LMO7: variants seen among roughly 807,000 people sequenced by gnomAD.
LMO7 encodes the protein LIM domain only protein 7.
Under a neutral mutation model 206.5 loss-of-function variants are expected in LMO7, and 120 were observed. The observed-to-expected ratio is 0.58, with a 90% CI of 0.50 to 0.68. The LOEUF is 0.68. LMO7 is among the 30% of genes least tolerant of loss of function. The pLI is 0.00. For missense variants in LMO7, 1,959 were observed against 1,957.9 expected, an observed-to-expected ratio of 1.00 and a Z score of -0.01; for synonymous variants, 706 against 681.5, an observed-to-expected ratio of 1.04 and a Z score of -0.56.
At chr13:75,636,299 G>T, upstream of LMO7, 1 of 1,082,558 alleles carries the variant, frequency 9.2e-7, no homozygotes, top group Non-Finnish European at 1.1e-6. Context: ...CCGCGGGGAG[G>T]ACGGCGGCGG....
intron 1 of LMO7, among the ~76,000 whole-genome samples, chr13:75,687,346 C>CA (rs2139586949): frequency 6.6e-6 from 1 of 152,184 alleles, no homozygotes; most frequent in East Asian, 1.9e-4. Context: ...TTCTGGAGCA[C>CA]AAAGTACAAT....
At chr13:75,710,040 A>G (rs989204150) in intron 1 of LMO7, among the ~76,000 whole-genome samples, 2 of 152,170 alleles carry the variant, frequency 1.3e-5, no homozygotes, top group Non-Finnish European at 2.9e-5. Flanking sequence ...TCCCAGCACC[A>G]TTTATTAAAT....
intron 1 of LMO7, among the ~76,000 whole-genome samples, chr13:75,712,220 C>T (rs2043182358): frequency 6.6e-6 from 1 of 152,108 alleles, no homozygotes; most frequent in South Asian, 2.1e-4. Context: ...GGTGACTTTC[C>T]AGTTCAGGAT....
chr13:75,676,508 T>A (rs1216385130), intron 1 of LMO7, among the ~76,000 whole-genome samples: 1 of 152,172 alleles, frequency 6.6e-6, no homozygotes, highest in Non-Finnish European at 1.5e-5. Flanking sequence ...AACACCGGGG[T>A]GGAGAGCAAG....
At position 75,835,227 on chromosome 13, in the gene LMO7, T is replaced by G; in HGVS notation, c.3227-6T>G. ...AATCTCACCAGTATGGCTACCAAAA[T>G]TATAGGTTCACCTGAAACAAAGTGG... On this transcript the variant is annotated splice_region_variant and splice_polypyrimidine_tract_variant and intron_variant, in intron 17 of 30. Coordinates refer to ENST00000377534, the MANE Select transcript of LMO7 (RefSeq NM_001306080.2). The G allele has an allele frequency of 6.2e-7, 1 of 1,612,384 alleles. No homozygotes were observed. Among genetic ancestry groups the G allele is most frequent in the Non-Finnish European group, 8.5e-7 (1 of 1,179,202 alleles).
intron 12 of LMO7, 53 bp from the exon 13 acceptor site, chr13:75,819,340 A>G: frequency 1.3e-6 from 2 of 1,519,840 alleles, no homozygotes; most frequent in Non-Finnish European, 1.8e-6. Context: ...TGTCTGCTAG[A>G]AAGGGTGTAT....
chr13:75,787,049 C>T (rs1333233785), intron 4 of LMO7, among the ~76,000 whole-genome samples: 1 of 152,162 alleles, frequency 6.6e-6, no homozygotes, highest in African/African-American at 2.4e-5. Context: ...CTTTGTTAAT[C>T]ACAGGAGAAA....
chr13:75,819,498 A>T lies in LMO7; in HGVS notation c.2170A>T (p.Arg724Ter). ...AAAGCAGGCACTTGAGAAGTCTAAG[A>T]GAAGCTCTAAGACGTTTAAGGAAAT... ...IEKQALEKSKRSSKTFKEMLQ... is the reference protein window; with the variant it reads ...IEKQALEKSK The change falls in exon 13 of 31, where the codon AGA becomes TGA. Residue 724 changes from arginine (R) to a stop codon, truncating the protein, a stop_gained. Transcript: ENST00000377534. LOFTEE classifies it high-confidence loss of function. The T allele has an allele frequency of 6.2e-7, 1 of 1,610,642 alleles. No individual in the cohort carries two copies. Among genetic ancestry groups the T allele is most frequent in the Non-Finnish European group, 8.5e-7 (1 of 1,179,154 alleles).
chr13:75,621,894 T>C (rs2033343802), intron 1 of LMO7: 1 of 1,520,382 alleles, frequency 6.6e-7, no homozygotes, highest in Admixed American at 2.0e-5. Context: ...TGAATACTTT[T>C]ATATTATTAC....
chr13:75,686,049 A>G (rs1232892907), intron 1 of LMO7, among the ~76,000 whole-genome samples: 1 of 151,664 alleles, frequency 6.6e-6, no homozygotes, highest in East Asian at 1.9e-4. Context: ...TAATTTTTTG[A>G]AAATTTTTCA....
intron 6 of LMO7, among the ~76,000 whole-genome samples, chr13:75,800,483 T>C (rs1595105893): frequency 6.6e-6 from 1 of 152,308 alleles, no homozygotes; most frequent in East Asian, 1.9e-4. Context: ...TACCCCCTTA[T>C]TGTATCAGTT....
At chr13:75,722,924 A>G (rs2044145856) in intron 2 of LMO7, among the ~76,000 whole-genome samples, 1 of 152,176 alleles carries the variant, frequency 6.6e-6, no homozygotes, top group African/African-American at 2.4e-5. Context: ...GGAATGAAAA[A>G]CCAAATATTA....
rs561867806 is a variant in LMO7, at chr13:75,644,893, A to G, written c.69+8167A>G. 7.9e-5 allele frequency among the ~76,000 whole-genome samples: 12 copies of G among 152,198 alleles called. 1 individual carries two copies. In the South Asian group the frequency reaches 2.5e-3, roughly 32 times the overall value. ...GCGATCCTCCCACCTTGGCCTCCCA[A>G]CCTGTTGGGATTACAGGTGTGAGCC... On this transcript the variant is annotated intron_variant, in intron 1 of 30. Coordinates refer to ENST00000377534, the MANE Select transcript of LMO7 (RefSeq NM_001306080.2).
intron 3 of LMO7, chr13:75,760,604 G>C: frequency 7.1e-7 from 1 of 1,406,408 alleles, no homozygotes; most frequent in Non-Finnish European, 9.2e-7. Flanking sequence ...TTTGTTTGCA[G>C]AGCAGAGCTG....
In LMO7 at chr13:75,821,379, C is replaced by T. The variant is rs775970006; in HGVS notation, c.2410C>T (p.Arg804Cys). The stretch of plus-strand genomic sequence containing the variant: ...TACCACTTTTGCAAAAAGAGAGGAC[C>T]GTGTAACAACTGAAATTCAGCTTCC... ...DSTTFAKRED[R>C]VTTEIQLPSQ... The change falls in exon 14 of 31, where the codon CGT becomes TGT. Residue 804 changes from arginine (R) to cysteine (C), a missense_variant. Physicochemically the swap from Arg to Cys is radical, Grantham distance 180 (BLOSUM62 -3). Transcript: ENST00000377534. The T allele has an allele frequency of 6.3e-5, 101 of 1,613,874 alleles. No individual in the cohort carries two copies. Among genetic ancestry groups the T allele is most frequent in the Middle Eastern group, 1.6e-4 (1 of 6,084 alleles).
intron 1 of LMO7, among the ~76,000 whole-genome samples, chr13:75,655,637 T>TTATATATATATATATATATATA (rs67966172): frequency 7.4e-6 from 1 of 134,722 alleles, no homozygotes; most frequent in African/African-American, 2.9e-5. Context: ...TTCATGGATT[T>TTATATATATATATATATATATA]TATATATATA....
At chr13:75,726,056 C>T (rs1228774849) in intron 2 of LMO7, among the ~76,000 whole-genome samples, 3 of 150,362 alleles carry the variant, frequency 2.0e-5, no homozygotes, top group Non-Finnish European at 4.4e-5. Flanking sequence ...AATGATTTCT[C>T]CTTTATTTGC....
intron 1 of LMO7, among the ~76,000 whole-genome samples, chr13:75,656,837 TC>T (rs2038103519): frequency 6.6e-6 from 1 of 152,164 alleles, no homozygotes; most frequent in Non-Finnish European, 1.5e-5. Context: ...CCTTTTCCCT[TC>T]CCTTGTTGAG....
intron 1 of LMO7, among the ~76,000 whole-genome samples, chr13:75,638,871 A>C (rs567309286): frequency 6.6e-5 from 10 of 152,086 alleles, no homozygotes; most frequent in African/African-American, 2.4e-4. Flanking sequence ...GGTTGATTCC[A>C]ATGTGTATTT....
Sources: gnomAD v4.1 joint callset for allele counts (sites outside exome capture counted in the v4.1 genomes callset) on GRCh38, gnomAD v4.1.1 for gene constraint, MANE v1.5 for transcripts, NCBI Gene and HGNC (gene_info 2026-07-23, HGNC 2026-07-21) for gene names.